Variants in SEC23A observed in about 807,000 individuals in gnomAD.
SEC23A encodes the protein protein transport protein Sec23A.
Under a neutral mutation model 103.7 loss-of-function variants are expected in SEC23A, and 56 were observed. The observed-to-expected ratio is 0.54, with a 90% CI of 0.44 to 0.67. The LOEUF is 0.67. Ranked by LOEUF, SEC23A falls within the 30% of genes least tolerant of loss-of-function variation. The pLI is 0.00. For synonymous variants in SEC23A, 281 were observed against 293.0 expected, an observed-to-expected ratio of 0.96 and a Z score of 0.42; for missense variants, 784 against 936.4, an observed-to-expected ratio of 0.84 and a Z score of 2.12.
intron 5 of SEC23A, among the ~76,000 whole-genome samples, chr14:39,089,075 GAGGCAGGAGAATCGCTCGAACTA>G (rs1887566098): frequency 6.6e-6 from 1 of 150,526 alleles, no homozygotes; most frequent in African/African-American, 2.4e-5. Context: ...TCGGGAGGCT[GAGGCAGGAGAATCGCTCGAACTA>G]AGGAGGCGGA....
At chr14:39,043,482 T>C (rs754224407) in intron 16 of SEC23A, among the ~76,000 whole-genome samples, 1 of 152,088 alleles carries the variant, frequency 6.6e-6, no homozygotes, top group Non-Finnish European at 1.5e-5. Flanking sequence ...TAGAGCAAAT[T>C]TGGAGCACAT....
rs532535708 is a variant in SEC23A, at chr14:39,040,727, C to CTT, written c.2142+3_2142+4dup. The CTT allele has an allele frequency of 3.8e-4, 614 of 1,614,166 alleles. 1 individual carries two copies. The African/African-American group carries it at 6.2e-3, about 16-fold the overall frequency. ...CAAACACACAAACAAATTAACACTA[C>CTT]TTACCTGGCTGCCTCCATGTTCAGT... is the stretch of plus-strand genomic sequence containing the variant. On this transcript the variant is annotated splice_donor_region_variant and intron_variant, in intron 18 of 19. Coordinates refer to ENST00000307712, the MANE Select transcript of SEC23A (RefSeq NM_006364.4).
chr14:39,057,340 G>T (rs1248935968), intron 13 of SEC23A, among the ~76,000 whole-genome samples: 1 of 151,664 alleles, frequency 6.6e-6, no homozygotes, highest in African/African-American at 2.4e-5. Flanking sequence ...ATAAAATAAG[G>T]AAGTTTTTAA....
intron 13 of SEC23A, 113 bp from the exon 14 acceptor site, chr14:39,055,409 G>GT: frequency 2.1e-6 from 2 of 940,946 alleles, no homozygotes; most frequent in Non-Finnish European, 3.0e-6. Context: ...AAACTACTAG[G>GT]ATTTTTTTTT....
chr14:39,059,065 A>C (rs1162069551), intron 13 of SEC23A, among the ~76,000 whole-genome samples: 2 of 152,090 alleles, frequency 1.3e-5, no homozygotes, highest in Admixed American at 1.3e-4. Flanking sequence ...TCAAGTTTAA[A>C]GGGCTTCTTG....
At position 39,067,264 on chromosome 14, in the gene SEC23A, G is replaced by T. The variant is rs953930767; in HGVS notation, c.1136C>A (p.Thr379Asn). The T allele has an allele frequency of 6.2e-7, 1 of 1,613,508 alleles. No individual in the cohort carries two copies. Among genetic ancestry groups the T allele is most frequent in the Non-Finnish European group, 8.5e-7 (1 of 1,179,698 alleles). ...GYMVMGDSFN[T>N]SLFKQTFQRV... ...TTGAAAAGTTTGTTTGAATAAGGAA[G>T]TATTGAAAGAATCACCCATTACCAT... The change falls in exon 10 of 20, where the codon ACT becomes AAT. Residue 379 changes from threonine (T) to asparagine (N), a missense_variant. By Grantham distance (65) the Thr-to-Asn change is moderately conservative. Around this residue, in one of 2 missense-constraint regions of SEC23A, gnomAD observed 683 missense variants for 774.2 expected, o/e 0.88. Transcript: ENST00000307712.
intron 7 of SEC23A, among the ~76,000 whole-genome samples, chr14:39,081,989 G>C (rs1242838173): frequency 6.6e-6 from 1 of 152,026 alleles, no homozygotes; most frequent in African/African-American, 2.4e-5. Context: ...GGGCTCCTAA[G>C]TGGTTTCATT....
At chr14:39,034,919 A>G (rs573348012) in intron 19 of SEC23A, among the ~76,000 whole-genome samples, 1 of 152,302 alleles carries the variant, frequency 6.6e-6, no homozygotes, top group East Asian at 1.9e-4. Context: ...GATAATACTT[A>G]TCATAGGGTC....
At chr14:39,073,104 T>C (rs931147143) in intron 9 of SEC23A, among the ~76,000 whole-genome samples, 2 of 152,208 alleles carry the variant, frequency 1.3e-5, no homozygotes, top group East Asian at 3.8e-4. Context: ...CATTAACTGA[T>C]GGATTCCTAA....
At chr14:39,055,379 T>G in intron 13 of SEC23A, 83 bp from the exon 14 acceptor site, 1 of 1,439,330 alleles carries the variant, frequency 6.9e-7, no homozygotes, top group Non-Finnish European at 9.7e-7. Flanking sequence ...AAATTTAAAT[T>G]TAAAAGATAA....
intron 16 of SEC23A, among the ~76,000 whole-genome samples, chr14:39,044,886 T>G (rs1885776398): frequency 6.6e-6 from 1 of 152,194 alleles, no homozygotes; most frequent in African/African-American, 2.4e-5. Flanking sequence ...TTTGGAGGAT[T>G]TGATTAACCA....
intron 1 of SEC23A, among the ~76,000 whole-genome samples, chr14:39,100,659 C>T (rs1395212959): frequency 2.6e-5 from 4 of 151,636 alleles, no homozygotes; most frequent in Non-Finnish European, 5.9e-5. Context: ...GTGATCCACC[C>T]ACCTCAGCCT....
chr14:39,093,020 C>T (rs551693542), intron 3 of SEC23A, 167 bp downstream of exon 3: 14 of 534,728 alleles, frequency 2.6e-5, no homozygotes, highest in East Asian at 1.4e-4. Flanking sequence ...CCTGCCACCA[C>T]GCCCAGCTAA....
chr14:39,061,844 G>T lies in SEC23A; in HGVS notation c.1426C>A (p.Arg476Ser). 6.2e-7 allele frequency: 1 copy of T among 1,613,608 alleles called. No individual in the cohort carries two copies. Among genetic ancestry groups the T allele is most frequent in the Non-Finnish European group, 8.5e-7 (1 of 1,179,550 alleles). ...TGAGTCACAAACTGGATTGCACCAC[G>T]CCCTCCTTGAGGAATTGGAGCATTA... Reference protein sequence around the residue: ...QHNAPIPQGGRGAIQFVTQYQ... With the variant: ...QHNAPIPQGGSGAIQFVTQYQ... The change falls in exon 13 of 20, where the codon CGT becomes AGT. Residue 476 changes from arginine to serine, a missense_variant. Physicochemically the swap from Arg to Ser is moderately radical, Grantham distance 110. This residue lies in a region of SEC23A where 683 missense variants were observed against 774.2 expected (regional missense o/e 0.88). Coordinates refer to ENST00000307712, the MANE Select transcript of SEC23A (RefSeq NM_006364.4).
chr14:39,058,460 A>C (rs1886325319), intron 13 of SEC23A, among the ~76,000 whole-genome samples: 1 of 152,132 alleles, frequency 6.6e-6, no homozygotes, highest in South Asian at 2.1e-4. Flanking sequence ...GGTGCCCGCC[A>C]CCACGCCCGG....
At chr14:39,039,358 T>C (rs1885562126) in intron 18 of SEC23A, 1 of 401,436 alleles carries the variant, frequency 2.5e-6, no homozygotes, top group Non-Finnish European at 4.4e-6. Context: ...CATATAAAAA[T>C]TATGTGTGCA....
At chr14:39,064,819 AT>A (rs1421227560) in intron 11 of SEC23A, 93 bp downstream of exon 11, 1 of 904,032 alleles carries the variant, frequency 1.1e-6, no homozygotes, top group Non-Finnish European at 1.9e-6. Context: ...GGCTTAAGCA[AT>A]CCTCCTGCCT....
intron 13 of SEC23A, among the ~76,000 whole-genome samples, chr14:39,060,051 GTT>G (rs1204408444): frequency 6.6e-6 from 1 of 151,904 alleles, no homozygotes; most frequent in Non-Finnish European, 1.5e-5. Flanking sequence ...TTGGTATGTC[GTT>G]GTTTCCTTAA....
At chr14:39,094,185 C>T (rs895100866) in intron 2 of SEC23A, among the ~76,000 whole-genome samples, 1 of 139,972 alleles carries the variant, frequency 7.1e-6, no homozygotes, top group Admixed American at 7.1e-5. Context: ...CCACACCCAG[C>T]ATATACATAT....
Sources: gnomAD v4.1 joint callset for allele counts (sites outside exome capture counted in the v4.1 genomes callset) on GRCh38, gnomAD v4.1.1 for gene constraint, gnomAD v4.1.1 regional missense constraint, MANE v1.5 for transcripts, NCBI Gene and HGNC (gene_info 2026-07-23, HGNC 2026-07-21) for gene names.